ZNF799: variants seen among roughly 807,000 people sequenced by gnomAD.
ZNF799 encodes zinc finger protein 14.
In ZNF799, 28 loss-of-function variants were observed where a neutral mutation model predicts 41.0. The observed-to-expected ratio is 0.68, with a 90% CI of 0.51 to 0.94. The LOEUF (loss-of-function observed/expected upper bound fraction) is 0.94, where lower values mean the gene tolerates loss of function less well. Among genes scored for constraint, ZNF799 ranks in the 40% least tolerant of loss-of-function variants. The pLI, the probability that ZNF799 is intolerant of heterozygous loss-of-function variation, is 0.00. For synonymous variants in ZNF799, 213 were observed against 252.9 expected (o/e 0.84, Z 1.50); for missense variants, 716 against 764.3 (o/e 0.94, Z 0.74).
the ZNF799 span, among the ~76,000 whole-genome samples, chr19:12,410,698 T>C: frequency 2.0e-5 from 3 of 151,996 alleles, no homozygotes; most frequent in Admixed American, 1.3e-4. Flanking sequence ...ACCAAGAACA[T>C]TGCTAAACCC....
intron 1 of ZNF799, chr19:12,394,586 G>C (rs2144894714): frequency 2.0e-6 from 2 of 985,300 alleles, no homozygotes; most frequent in Non-Finnish European, 2.4e-6. Context: ...ACTGAAGTAT[G>C]ACAACAGACT....
intron 1 of ZNF799, chr19:12,394,174 A>G (rs1271684609): frequency 6.6e-6 from 1 of 152,290 alleles, no homozygotes; most frequent in Non-Finnish European, 1.5e-5. Flanking sequence ...GAGCTATCTC[A>G]TGTCCTTCTG....
chr19:12,400,708 C>T (rs1969966004), intron 1 of ZNF799: 4 of 474,350 alleles, frequency 8.4e-6, no homozygotes, highest in Non-Finnish European at 3.8e-6. Context: ...GGGGTGTCCT[C>T]CCCTCTCTGG....
At position 12,391,308 on chromosome 19, in the gene ZNF799, G is replaced by A. The variant is rs775158499; in HGVS notation, c.1090C>T (p.Leu364Phe). The A allele has an allele frequency of 7.4e-6, 12 of 1,614,058 alleles. No individual in the cohort carries two copies. The African/African-American group carries it at 1.6e-4, about 22-fold the overall frequency. ...TTCCCACACTGCTTGCATTCATAGA[G>A]TTTCTCTCCAGTGTGAGTTCTTTCA... ...SHERTHTGEK[L>F]YECKQCGKAL... is the part of the protein sequence containing the mutation. The change falls in exon 4 of 4, where the codon CTC becomes TTC. Residue 364 changes from leucine to phenylalanine, a missense_variant. Leu to Phe is a conservative substitution (Grantham distance 22, BLOSUM62 0). Coordinates refer to ENST00000430385, the MANE Select transcript of ZNF799 (RefSeq NM_001080821.3).
chr19:12,405,217 A>C (rs28472970), upstream of ZNF799, among the ~76,000 whole-genome samples: 4,515 of 149,114 alleles, frequency 0.03, 228 homozygotes, highest in African/African-American at 0.1. Flanking sequence ...ATAAACTCCC[A>C]TTTATATATA....
the ZNF799 span, among the ~76,000 whole-genome samples, chr19:12,413,781 G>A: frequency 2.0e-5 from 3 of 151,900 alleles, no homozygotes; most frequent in South Asian, 6.2e-4. Context: ...GAGTTAGGTT[G>A]AGGAGACAGG....
Position 12,390,147 on chromosome 19 carries a change from AC to A in ZNF799, c.*318del. On this transcript the variant is annotated 3_prime_UTR_variant, in exon 4 of 4. Coordinates refer to ENST00000430385, the MANE Select transcript of ZNF799 (RefSeq NM_001080821.3). ...ATGAGTCCCTAAACAATACAATAGA[AC>A]AACTATTTGCATAGCTTTTACAATG... 1 of 473,604 alleles carries A rather than the reference AC, an allele frequency of 2.1e-6. No individual in the cohort carries two copies. Among genetic ancestry groups the A allele is most frequent in the Non-Finnish European group, 3.7e-6 (1 of 267,068 alleles). 29.3% of individuals were successfully genotyped at this position (473,604 alleles called of 1,614,324 possible).
chr19:12,407,587 G>T, the ZNF799 span, among the ~76,000 whole-genome samples: 1 of 151,282 alleles, frequency 6.6e-6, no homozygotes, highest in Non-Finnish European at 1.5e-5. Flanking sequence ...TATATGAAAA[G>T]AATTAAATGA....
rs1371380819 is a variant in ZNF799 at position 12,390,912 on chromosome 19, T to C, written c.1486A>G (p.Arg496Gly). The C allele has an allele frequency of 1.1e-5, 18 of 1,614,090 alleles. No individual in the cohort carries two copies. Among genetic ancestry groups the C allele is most frequent in the Non-Finnish European group, 1.5e-5 (18 of 1,179,982 alleles). ...SCFQYLSQHR[R>G]THTGEKPYEC... ...TAAGGTTTCTCTCCTGTGTGAGTCCTTCTATGTTGAGAAAGGTATTGGAAA... is the reference window on the plus strand; with the variant it reads ...TAAGGTTTCTCTCCTGTGTGAGTCCCTCTATGTTGAGAAAGGTATTGGAAA... Residue 496 changes from arginine (R) to glycine (G), a missense_variant, in exon 4 of 4, where the codon AGG becomes GGG. Physicochemically the swap from Arg to Gly is moderately radical, Grantham distance 125. Around this residue, in one of 2 missense-constraint regions of ZNF799, gnomAD observed 698 missense variants for 713.6 expected, o/e 0.98. Coordinates refer to ENST00000430385, the MANE Select transcript of ZNF799 (RefSeq NM_001080821.3).
At chr19:12,401,483 G>C (rs1969985274), upstream of ZNF799, among the ~76,000 whole-genome samples, 1 of 148,064 alleles carries the variant, frequency 6.8e-6, no homozygotes, top group Admixed American at 6.8e-5. Flanking sequence ...TTTCCTGCCT[G>C]TACTCAATAG....
At chr19:12,411,559 T>A in the ZNF799 span, among the ~76,000 whole-genome samples, 1 of 152,128 alleles carries the variant, frequency 6.6e-6, no homozygotes, top group Non-Finnish European at 1.5e-5. Flanking sequence ...CACCTACCTG[T>A]TTTGTGAATT....
chr19:12,397,718 A>G (rs1232464210), intron 1 of ZNF799, among the ~76,000 whole-genome samples: 2 of 152,152 alleles, frequency 1.3e-5, no homozygotes, highest in Non-Finnish European at 2.9e-5. Flanking sequence ...TAACAAATGT[A>G]AAACAATTAT....
the ZNF799 span, among the ~76,000 whole-genome samples, chr19:12,407,305 A>T: frequency 6.6e-6 from 1 of 152,130 alleles, no homozygotes; most frequent in Admixed American, 6.5e-5. Context: ...CTCTATAAAA[A>T]ATAAAAAATT....
In ZNF799 at chr19:12,390,973, T is replaced by C; in HGVS notation, c.1425A>G (p.Pro475=). 1.2e-6 allele frequency: 2 copies of C among 1,614,088 alleles called. No homozygotes were observed. The highest frequency in any genetic ancestry group is 8.5e-7 in the Non-Finnish European group (1 of 1,179,986). The part of the protein sequence containing the change: ...NHKTTHAGEK[P]YECKECGKAF... ...CTTTCCCACATTCCTTACACTCATA[T>C]GGCTTCTCTCCAGCATGAGTTGTTT... is the stretch of plus-strand genomic sequence containing the variant. Residue 475 remains proline, a synonymous_variant, in exon 4 of 4, where the codon CCA becomes CCG. Coordinates refer to ENST00000430385, the MANE Select transcript of ZNF799 (RefSeq NM_001080821.3).
chr19:12,412,793 A>G, the ZNF799 span, among the ~76,000 whole-genome samples: 3 of 151,902 alleles, frequency 2.0e-5, no homozygotes, highest in Non-Finnish European at 2.9e-5. Flanking sequence ...TAATCCTAGC[A>G]CTTTGGGAGG....
chr19:12,390,958 T>A lies in ZNF799; in HGVS notation c.1440A>T (p.Glu480Asp). 6.2e-7 allele frequency: 1 copy of A among 1,614,182 alleles called. No individual in the cohort carries two copies. Among genetic ancestry groups the A allele is most frequent in the South Asian group, 1.1e-5 (1 of 91,082 alleles). Residue 480 changes from glutamate (E) to aspartate (D), a missense_variant, in exon 4 of 4, where the codon GAA becomes GAT. Coordinates refer to ENST00000430385, the MANE Select transcript of ZNF799 (RefSeq NM_001080821.3). ...GGAAACAACTGAATGCTTTCCCACA[T>A]TCCTTACACTCATATGGCTTCTCTC... ...HAGEKPYECK[E>D]CGKAFSCFQY...
the ZNF799 span, among the ~76,000 whole-genome samples, chr19:12,408,672 AT>A: frequency 6.6e-6 from 1 of 152,232 alleles, no homozygotes; most frequent in Non-Finnish European, 1.5e-5. Context: ...ATATTTCATA[AT>A]GATAAAGTGC....
chr19:12,392,676 C>T lies in ZNF799; in HGVS notation c.131-13G>A, dbSNP rs775829900. 8.8e-6 allele frequency: 14 copies of T among 1,585,550 alleles called. No homozygotes were observed. The highest frequency in any genetic ancestry group is 1.2e-5 in the Non-Finnish European group (14 of 1,161,304). On this transcript the variant is annotated splice_polypyrimidine_tract_variant and intron_variant, in intron 2 of 3. Transcript: ENST00000430385. ...TTCCATTTCATTCCTAAAAGGTATACACAGAAAAATCATTACAAATTTTTA... is the reference window on the plus strand; with the variant it reads ...TTCCATTTCATTCCTAAAAGGTATATACAGAAAAATCATTACAAATTTTTA...
intron 1 of ZNF799, chr19:12,394,152 G>A (rs1209571890): frequency 6.6e-6 from 1 of 152,374 alleles, no homozygotes; most frequent in Non-Finnish European, 1.5e-5. Flanking sequence ...CGTAACGGGT[G>A]AATGAATAAA....
Sources: allele counts gnomAD v4.1 joint callset (sites outside exome capture counted in the v4.1 genomes callset), GRCh38; gene constraint gnomAD v4.1.1; regional missense constraint gnomAD v4.1.1; transcripts MANE v1.5; gene names NCBI Gene and HGNC (gene_info 2026-07-23, HGNC 2026-07-21).